Variants in RORA observed in about 807,000 individuals in gnomAD.
The protein encoded by RORA is nuclear receptor ROR-alpha.
Under a neutral mutation model 69.5 loss-of-function variants are expected in RORA, and 7 were observed. That is an observed-to-expected ratio of 0.10 (90% CI 0.06 to 0.19). The LOEUF is 0.19. RORA is among the 10% of genes least tolerant of loss of function. The pLI, the probability that RORA is intolerant of heterozygous loss-of-function variation, is 1.00. For synonymous variants in RORA, 261 were observed against 240.8 expected (o/e 1.08, Z -0.78); for missense variants, 457 against 663.0 (o/e 0.69, Z 3.41).
chr15:60,829,092 G>T (rs746488411), intron 1 of RORA, among the ~76,000 whole-genome samples: 1 of 152,188 alleles, frequency 6.6e-6, no homozygotes, highest in Admixed American at 6.5e-5. Context: ...AGAGCATTCA[G>T]TAAGAACCTA....
intron 2 of RORA, among the ~76,000 whole-genome samples, chr15:60,572,594 T>C (rs996647675): frequency 5.3e-5 from 8 of 152,166 alleles, no homozygotes; most frequent in Non-Finnish European, 7.3e-5. Context: ...AAACTATATT[T>C]AGGAAGAAGC....
chr15:60,610,526 C>T (rs976555407), intron 2 of RORA, among the ~76,000 whole-genome samples: 5 of 151,836 alleles, frequency 3.3e-5, no homozygotes, highest in South Asian at 2.1e-4. Flanking sequence ...AAGAAAATCA[C>T]GGTAAGGAGG....
chr15:60,503,690 A>G, intron 6 of RORA, 23 bp from the exon 7 acceptor site: 3 of 1,612,166 alleles, frequency 1.9e-6, no homozygotes, highest in Non-Finnish European at 2.5e-6. Context: ...GAAACACATT[A>G]ACATCCTCCA....
At chr15:60,859,671 T>TTTTG (rs2073418440) in intron 1 of RORA, among the ~76,000 whole-genome samples, 1 of 149,160 alleles carries the variant, frequency 6.7e-6, no homozygotes, top group Non-Finnish European at 1.5e-5. Flanking sequence ...TTTTTTTTTT[T>TTTTG]AGAGATGGGG....
chr15:61,219,665 C>T (rs183929697), intron 1 of RORA, among the ~76,000 whole-genome samples: 1 of 152,114 alleles, frequency 6.6e-6, no homozygotes, highest in African/African-American at 2.4e-5. Flanking sequence ...TAAGAAAGTA[C>T]AAGACTTGGG....
intron 1 of RORA, among the ~76,000 whole-genome samples, chr15:61,132,712 T>C (rs1023863697): frequency 9.2e-5 from 14 of 152,212 alleles, no homozygotes; most frequent in Non-Finnish European, 1.8e-4. Context: ...CTGTCAGAAA[T>C]GCAAACAGCT....
rs572473048 is a variant in RORA, at chr15:61,196,733, A to T, written c.166+32320T>A. 6.6e-5 allele frequency among the ~76,000 whole-genome samples: 10 copies of T among 152,390 alleles called. No homozygotes were observed. The South Asian group carries it at 2.1e-3, about 32-fold the overall frequency. On this transcript the variant is annotated intron_variant, in intron 1 of 10. Coordinates refer to ENST00000335670, the MANE Select transcript of RORA (RefSeq NM_134261.3). ...TGCTTACCTAATAATTAAGATATTT[A>T]AAAAGTCACCTAATGGCACCAAAGT...
intron 1 of RORA, among the ~76,000 whole-genome samples, chr15:60,704,206 G>T (rs574948028): frequency 1.5e-4 from 23 of 152,326 alleles, no homozygotes; most frequent in South Asian, 4.1e-4. Flanking sequence ...TAAAGTTAAG[G>T]TTTCTCCCGA....
intron 2 of RORA, among the ~76,000 whole-genome samples, chr15:60,661,825 C>T (rs972531): frequency 0.56 from 85,880 of 152,014 alleles, 25,291 homozygotes; most frequent in East Asian, 0.76. Flanking sequence ...CCTGGTATCT[C>T]AAGCTTCTGG....
chr15:60,519,436 A>G (rs138761899), intron 3 of RORA, among the ~76,000 whole-genome samples: 33 of 152,320 alleles, frequency 2.2e-4, no homozygotes, highest in African/African-American at 7.5e-4. Flanking sequence ...TAAAGCCAGG[A>G]TATGACTTCA....
chr15:60,932,284 A>C (rs1892396111), intron 1 of RORA, among the ~76,000 whole-genome samples: 1 of 152,126 alleles, frequency 6.6e-6, no homozygotes, highest in South Asian at 2.1e-4. Flanking sequence ...GCTGCCTTGG[A>C]CCAGATTCCA....
In RORA at chr15:61,082,723, G is replaced by A. The variant is rs1232760788; in HGVS notation, c.166+146330C>T. On this transcript the variant is annotated intron_variant, in intron 1 of 10. Transcript: ENST00000335670. ...ATGGGGTTGCTCTTTCACAGAAAGA[G>A]TTATATCAACATGTTTTTTTAGATG... 2.0e-5 allele frequency among the ~76,000 whole-genome samples: 3 copies of A among 152,134 alleles called. No homozygotes were observed. In the East Asian group the frequency reaches 5.8e-4, roughly 29 times the overall value.
At chr15:61,103,326 A>G (rs2078907301) in intron 1 of RORA, among the ~76,000 whole-genome samples, 1 of 152,202 alleles carries the variant, frequency 6.6e-6, no homozygotes, top group Non-Finnish European at 1.5e-5. Flanking sequence ...CCAGACAATT[A>G]AGAGTTAACT....
chr15:60,766,704 C>G (rs1181354337), intron 1 of RORA, among the ~76,000 whole-genome samples: 1 of 152,072 alleles, frequency 6.6e-6, no homozygotes, highest in Non-Finnish European at 1.5e-5. Flanking sequence ...CTGCTCCTCT[C>G]CCAGGAGCTT....
intron 1 of RORA, among the ~76,000 whole-genome samples, chr15:61,030,316 A>G (rs1475298178): frequency 7.9e-5 from 12 of 152,304 alleles, no homozygotes; most frequent in East Asian, 7.7e-4. Flanking sequence ...GCTGATATTG[A>G]TGGTTGTATT....
At chr15:61,118,662 C>G (rs944617967) in intron 1 of RORA, among the ~76,000 whole-genome samples, 22 of 152,060 alleles carry the variant, frequency 1.4e-4, no homozygotes, top group African/African-American at 5.3e-4. Flanking sequence ...GCTCAGGAAC[C>G]TGGAGCCGGA....
At chr15:60,562,597 A>G (rs947538372) in intron 2 of RORA, among the ~76,000 whole-genome samples, 2 of 145,802 alleles carry the variant, frequency 1.4e-5, no homozygotes, top group African/African-American at 2.7e-5. Context: ...TACCACGCCC[A>G]GCTAACTTTC....
chr15:61,080,493 T>C (rs1344557044), intron 1 of RORA, among the ~76,000 whole-genome samples: 1 of 152,190 alleles, frequency 6.6e-6, no homozygotes, highest in East Asian at 1.9e-4. Flanking sequence ...AATGGATGAA[T>C]GCAAATAGAT....
At chr15:61,042,716 C>G (rs986336910) in intron 1 of RORA, among the ~76,000 whole-genome samples, 1 of 152,214 alleles carries the variant, frequency 6.6e-6, no homozygotes, top group Non-Finnish European at 1.5e-5. Context: ...CCTACCTACT[C>G]GGGACCTCGT....
Sources: gnomAD v4.1 joint callset for allele counts (sites outside exome capture counted in the v4.1 genomes callset) on GRCh38, gnomAD v4.1.1 for gene constraint, MANE v1.5 for transcripts, NCBI Gene and HGNC (gene_info 2026-07-23, HGNC 2026-07-21) for gene names.